Variants in GDPD4 observed in about 807,000 individuals in gnomAD.
GDPD4 encodes glycerophosphodiester phosphodiesterase 6.
In GDPD4, 60 loss-of-function variants were observed where a neutral mutation model predicts 67.8. The ratio of observed to expected loss-of-function variants is 0.88; its 90% CI spans 0.72 to 1.10. The LOEUF is 1.10. Ranked by LOEUF, GDPD4 falls within the 50% of genes least tolerant of loss-of-function variation. The pLI is 0.00. For missense variants in GDPD4, 623 were observed against 613.9 expected, an observed-to-expected ratio of 1.01 and a Z score of -0.16; for synonymous variants, 212 against 210.9, an observed-to-expected ratio of 1.00 and a Z score of -0.04.
At chr11:77,299,166 G>A (rs1938079406) in intron 1 of GDPD4, among the ~76,000 whole-genome samples, 1 of 152,124 alleles carries the variant, frequency 6.6e-6, no homozygotes, top group Non-Finnish European at 1.5e-5. Context: ...GCAGTTGCTA[G>A]GCAACACCAA....
chr11:77,235,453 T>A (rs1214458897), intron 13 of GDPD4, among the ~76,000 whole-genome samples: 1 of 152,168 alleles, frequency 6.6e-6, no homozygotes. Context: ...GTAAGCAAGC[T>A]AGTGTGGTAT....
At chr11:77,239,155 T>C (rs1358976614) in intron 13 of GDPD4, among the ~76,000 whole-genome samples, 1 of 152,176 alleles carries the variant, frequency 6.6e-6, no homozygotes, top group Non-Finnish European at 1.5e-5. Context: ...CCTTTCATGA[T>C]AAAAACTCTC....
intron 11 of GDPD4, among the ~76,000 whole-genome samples, chr11:77,246,066 C>T (rs1958778643): frequency 6.6e-6 from 1 of 152,212 alleles, no homozygotes; most frequent in African/African-American, 2.4e-5. Flanking sequence ...AAAAGTATCA[C>T]TTGAGGCCAG....
Position 77,301,167 on chromosome 11 carries a change from A to T in GDPD4, c.-254+438T>A, listed in dbSNP as rs547043145. Among the ~76,000 whole-genome samples, 13 of 152,332 alleles carry T rather than the reference A, an allele frequency of 8.5e-5. No individual in the cohort carries two copies. The East Asian group carries it at 2.3e-3, about 27-fold the overall frequency. ...TGAATTCTACACTCATATATCCGAC[A>T]GGCTACTGAAATCTCCATTTGGATT... On this transcript the variant is annotated intron_variant, in intron 1 of 16. Transcript: ENST00000315938.
intron 1 of GDPD4, among the ~76,000 whole-genome samples, chr11:77,301,164 G>A (rs1323592496): frequency 6.6e-6 from 1 of 152,072 alleles, no homozygotes; most frequent in Non-Finnish European, 1.5e-5. Context: ...TCATATATCC[G>A]ACAGGCTACT....
At chr11:77,233,956 G>A (rs1157200734) in intron 13 of GDPD4, among the ~76,000 whole-genome samples, 1 of 152,192 alleles carries the variant, frequency 6.6e-6, no homozygotes, top group Non-Finnish European at 1.5e-5. Context: ...TATAGAGACA[G>A]GGAGAAAATA....
chr11:77,282,966 G>C (rs746732390), intron 3 of GDPD4, among the ~76,000 whole-genome samples: 1 of 152,178 alleles, frequency 6.6e-6, no homozygotes, highest in Non-Finnish European at 1.5e-5. Context: ...AGCTATATTA[G>C]TTATTATACA....
intron 16 of GDPD4, among the ~76,000 whole-genome samples, chr11:77,222,697 C>T (rs1958251065): frequency 6.6e-6 from 1 of 152,106 alleles, no homozygotes; most frequent in Admixed American, 6.6e-5. Context: ...GTGAATCTGA[C>T]AATTATGTGT....
At chr11:77,298,324 C>T (rs1938046069) in intron 1 of GDPD4, among the ~76,000 whole-genome samples, 1 of 152,078 alleles carries the variant, frequency 6.6e-6, no homozygotes, top group Non-Finnish European at 1.5e-5. Context: ...CCAGCCTGAC[C>T]AACATGGTGA....
intron 9 of GDPD4, 44 bp downstream of exon 9, chr11:77,268,880 C>A: frequency 6.3e-7 from 1 of 1,594,502 alleles, no homozygotes; most frequent in South Asian, 1.1e-5. Context: ...CCACATACCC[C>A]ACACATACTT....
At chr11:77,230,410 C>T (rs975807590) in intron 14 of GDPD4, among the ~76,000 whole-genome samples, 2 of 152,130 alleles carry the variant, frequency 1.3e-5, no homozygotes, top group African/African-American at 4.8e-5. Context: ...CTTTGAAAAA[C>T]TCAATGAGGA....
At chr11:77,282,617 G>A (rs1959810827) in intron 3 of GDPD4, among the ~76,000 whole-genome samples, 1 of 151,956 alleles carries the variant, frequency 6.6e-6, no homozygotes, top group Admixed American at 6.6e-5. Context: ...TTGGGAGGCA[G>A]AGGCTGCAAT....
At chr11:77,219,286 T>G (rs974735852) in intron 16 of GDPD4, among the ~76,000 whole-genome samples, 5 of 152,236 alleles carry the variant, frequency 3.3e-5, no homozygotes, top group African/African-American at 1.2e-4. Context: ...GTATTAGCCC[T>G]TTGTTAGATG....
chr11:77,245,186 G>A, intron 12 of GDPD4, 95 bp downstream of exon 12: 1 of 835,920 alleles, frequency 1.2e-6, no homozygotes, highest in Non-Finnish European at 2.0e-6. Flanking sequence ...AGGATCCCAG[G>A]GTAGATGTAC....
chr11:77,283,391 TGGTAA>T (rs1334948120), intron 3 of GDPD4, among the ~76,000 whole-genome samples: 1 of 152,182 alleles, frequency 6.6e-6, no homozygotes, highest in Non-Finnish European at 1.5e-5. Context: ...TGCTGTCTTG[TGGTAA>T]GCCCCAGGAC....
At position 77,243,690 on chromosome 11, in the gene GDPD4, T is replaced by G. The variant is rs758407571; in HGVS notation, c.1241+4A>C. 1 of 1,609,524 alleles carries G rather than the reference T, an allele frequency of 6.2e-7. No homozygotes were observed. The highest frequency in any genetic ancestry group is 8.5e-7 in the Non-Finnish European group (1 of 1,176,182). On this transcript the variant is annotated splice_donor_region_variant and intron_variant, in intron 13 of 16. Coordinates refer to ENST00000315938, the MANE Select transcript of GDPD4 (RefSeq NM_182833.3). ...TGCCAAGAGAGGTGTGGTCAAACACTTACCTTAACCCATTAGGGAACAACT... is the reference window on the plus strand; with the variant it reads ...TGCCAAGAGAGGTGTGGTCAAACACGTACCTTAACCCATTAGGGAACAACT...
intron 11 of GDPD4, among the ~76,000 whole-genome samples, chr11:77,252,795 A>G (rs1046671417): frequency 6.6e-6 from 1 of 152,050 alleles, no homozygotes; most frequent in Non-Finnish European, 1.5e-5. Context: ...GTCAGCAAAA[A>G]CTGTGGGCAT....
At chr11:77,260,562 C>T (rs968282098) in intron 10 of GDPD4, among the ~76,000 whole-genome samples, 1 of 151,834 alleles carries the variant, frequency 6.6e-6, no homozygotes. Context: ...AAAATGTGAC[C>T]ATATGGAAGA....
chr11:77,223,408 CTGTT>C (rs1307383547), intron 16 of GDPD4, among the ~76,000 whole-genome samples: 2 of 152,172 alleles, frequency 1.3e-5, no homozygotes, highest in African/African-American at 2.4e-5. Flanking sequence ...CTATTCCTTT[CTGTT>C]TGTTAGTTTT....
Sources: allele counts gnomAD v4.1 joint callset (sites outside exome capture counted in the v4.1 genomes callset), GRCh38; gene constraint gnomAD v4.1.1; transcripts MANE v1.5; gene names NCBI Gene and HGNC (gene_info 2026-07-23, HGNC 2026-07-21).